The following DUX4 variants were observed in gnomAD, a reference collection of about 807,000 sequenced individuals.
DUX4 encodes the protein double homeobox protein 4.
downstream of DUX4, among the ~76,000 whole-genome samples, chr4:190,176,429 G>A (rs1346328989): frequency 1.9e-4 from 20 of 103,722 alleles, 6 homozygotes; most frequent in Admixed American, 1.7e-3. Flanking sequence ...GCAGAGATAC[G>A]TGAGAATTCC....
rs1742564612 is a variant in DUX4 at position 190,181,318 on chromosome 4, CCCA to C, written n.93-4022_93-4020del. On this transcript the variant is annotated intron_variant and non_coding_transcript_variant, in intron 1 of 2. Transcript: ENST00000563716. ...CAGTAGGCAGAGCCTAAAGAAGAGT[CCCA>C]TCCCCTGGGTGATCTCTGCAAAGAT... 1.8e-4 allele frequency among the ~76,000 whole-genome samples: 11 copies of C among 62,126 alleles called. 2 individuals are homozygous for C. Among genetic ancestry groups the C allele is most frequent in the African/African-American group, 4.4e-4 (7 of 16,000 alleles). The allele number at this position is 62,126 out of a possible 152,430, so 40.8% of individuals were successfully genotyped here.
At chr4:190,179,831 T>A (rs1742515906), downstream of DUX4, among the ~76,000 whole-genome samples, 3 of 80,554 alleles carry the variant, frequency 3.7e-5, no homozygotes, top group East Asian at 3.6e-4. Flanking sequence ...AGGTGATCAG[T>A]GCAGAGATAT....
intron 1 of DUX4, among the ~76,000 whole-genome samples, chr4:190,181,185 A>G (rs1742550942): frequency 9.0e-5 from 13 of 143,844 alleles, no homozygotes; most frequent in South Asian, 2.2e-4. Context: ...CTAGAGTTAC[A>G]TCACCTGGGT....
downstream of DUX4, among the ~76,000 whole-genome samples, chr4:190,176,865 C>T (rs1379012332): frequency 1.6e-4 from 19 of 118,574 alleles, 3 homozygotes; most frequent in Admixed American, 2.9e-4. Context: ...AGGCAAAGCC[C>T]ATACAAGGTT....
chr4:190,181,306 CTA>C (rs1742563447), intron 1 of DUX4, among the ~76,000 whole-genome samples: 24 of 90,594 alleles, frequency 2.6e-4, no homozygotes, highest in African/African-American at 3.8e-4. Flanking sequence ...TAGGCAGAGC[CTA>C]AAGAAGAGTC....
At chr4:190,177,722 G>C (rs1742382210), downstream of DUX4, among the ~76,000 whole-genome samples, 85 of 45,960 alleles carry the variant, frequency 1.8e-3, no homozygotes, top group East Asian at 3.4e-3. Flanking sequence ...TCACTGCAGA[G>C]ATATATCACA....
chr4:190,176,706 GAA>G (rs1742317726), downstream of DUX4, among the ~76,000 whole-genome samples: 1 of 56,270 alleles, frequency 1.8e-5, no homozygotes, highest in African/African-American at 5.0e-5. Context: ...AGATGTGTCA[GAA>G]TGCCCATGTA....
intron 1 of DUX4, among the ~76,000 whole-genome samples, chr4:190,181,289 C>CA: frequency 1.3e-5 from 1 of 78,104 alleles, no homozygotes; most frequent in Non-Finnish European, 2.8e-5. Flanking sequence ...TGTGACAATG[C>CA]CGCCAGTAGG....
At chr4:190,178,437 G>A (rs1742424664), downstream of DUX4, among the ~76,000 whole-genome samples, 82 of 149,198 alleles carry the variant, frequency 5.5e-4, no homozygotes, top group South Asian at 1.5e-3. Flanking sequence ...TGTAGGCAGA[G>A]CTTAGACAAG....
At chr4:190,181,244 A>AACAGTCTGTCACCTGGGTGATCAGTGCAG (rs1742556923) in intron 1 of DUX4, among the ~76,000 whole-genome samples, 1 of 149,460 alleles carries the variant, frequency 6.7e-6, no homozygotes, top group African/African-American at 2.5e-5. Context: ...AATCCAAGAC[A>AACAGTCTGTCACCTGGGTGATCAGTGCAG]AGAGTCTGTC....
At chr4:190,179,520 A>C (rs1579835592), downstream of DUX4, among the ~76,000 whole-genome samples, 18 of 36,040 alleles carry the variant, frequency 5.0e-4, no homozygotes, top group African/African-American at 1.2e-3. Flanking sequence ...AGCCCCCTGT[A>C]GGCAGAGCCT....
At chr4:190,176,039 C>G (rs1472990472), downstream of DUX4, among the ~76,000 whole-genome samples, 21 of 111,400 alleles carry the variant, frequency 1.9e-4, 3 homozygotes, top group African/African-American at 5.0e-4. Flanking sequence ...CTCGTGTAGA[C>G]AGAGCCTAGA....
In DUX4 at chr4:190,182,208, T is replaced by G. The variant is rs1287047793; in HGVS notation, n.93-3133T>G. 5.9e-3 allele frequency: 648 copies of G among 109,928 alleles called. 5 individuals are homozygous for G. The highest frequency in any genetic ancestry group is 0.012 in the Middle Eastern group (3 of 248). The allele number at this position is 109,928 out of a possible 1,614,324, so 6.8% of individuals were successfully genotyped here. A position where few individuals can be genotyped will look rare whatever the true frequency, so the allele number is the denominator to read the frequency against. ...TGAGGGTTAGGGTGAGGGTGAGGGT[T>G]AGGGTGAGGGTCAGGGTGAGGGTGA... On this transcript the variant is annotated intron_variant and non_coding_transcript_variant, in intron 1 of 2. Coordinates refer to the DUX4 transcript ENST00000563716.
rs1266307919 is a variant in DUX4 at position 190,183,348 on chromosome 4, G to T, written n.93-1993G>T. On this transcript the variant is annotated intron_variant and non_coding_transcript_variant, in intron 1 of 2. Transcript: ENST00000563716. ...TCATGGACAAAACGGGTCCCCAGGAGCTACAGGCTGCAGAAGCAGCTTCTC... is the reference window on the plus strand; with the variant it reads ...TCATGGACAAAACGGGTCCCCAGGATCTACAGGCTGCAGAAGCAGCTTCTC... 422 of 107,214 alleles carry T rather than the reference G, an allele frequency of 3.9e-3. 20 individuals carry two copies. The highest frequency in any genetic ancestry group is 0.01 in the Admixed American group (85 of 8,360). The allele number at this position is 107,214 out of a possible 1,614,324, so 6.6% of individuals were successfully genotyped here. A position where few individuals can be genotyped will look rare whatever the true frequency, so the allele number is the denominator to read the frequency against.
chr4:190,176,765 A>T (rs1742320372), downstream of DUX4, among the ~76,000 whole-genome samples: 161 of 119,062 alleles, frequency 1.4e-3, no homozygotes, highest in Admixed American at 3.5e-3. Flanking sequence ...CAGTGCAGAG[A>T]TATGTACCAG....
At chr4:190,175,925 G>C (rs1456189957), downstream of DUX4, 3 of 121,838 alleles carry the variant, frequency 2.5e-5, no homozygotes, top group African/African-American at 8.1e-5. Flanking sequence ...TTGATTTACA[G>C]AACTTCGGTG....
downstream of DUX4, among the ~76,000 whole-genome samples, chr4:190,179,593 A>T (rs1579835726): frequency 2.6e-5 from 4 of 152,288 alleles, no homozygotes; most frequent in Admixed American, 6.5e-5. Context: ...GTGTAGCCAG[A>T]GCCTAGACAA....
chr4:190,178,081 CCT>C (rs1742403828), downstream of DUX4, among the ~76,000 whole-genome samples: 1 of 21,238 alleles, frequency 4.7e-5, no homozygotes, highest in African/African-American at 1.5e-4. Flanking sequence ...TCACAATGCC[CCT>C]GTAGGCAGAG....
intron 1 of DUX4, chr4:190,182,254 ATTAGGT>A (rs1560882773): frequency 1.1e-5 from 1 of 93,484 alleles, no homozygotes; most frequent in Non-Finnish European, 2.4e-5. Context: ...TAGGGTGAGC[ATTAGGT>A]TTAGGGTTAG....
Sources: gnomAD v4.1 joint callset for allele counts (sites outside exome capture counted in the v4.1 genomes callset) on GRCh38, gnomAD v4.1.1 for gene constraint, MANE v1.5 for transcripts, NCBI Gene and HGNC (gene_info 2026-07-23, HGNC 2026-07-21) for gene names.